Variants in PCDHGB6 observed in about 807,000 individuals in gnomAD.
The protein encoded by PCDHGB6 is protocadherin gamma-B6.
In PCDHGB6, 51 loss-of-function variants were observed where a neutral mutation model predicts 59.1. The observed-to-expected ratio is 0.86, with a 90% confidence interval of 0.69 to 1.09. PCDHGB6 has a LOEUF of 1.09. Ranked by LOEUF, PCDHGB6 falls within the 50% of genes least tolerant of loss-of-function variation. PCDHGB6 has a pLI of 0.00. For synonymous variants in PCDHGB6, 466 were observed against 495.1 expected (o/e 0.94, Z 0.78); for missense variants, 1,148 against 1,205.1 (o/e 0.95, Z 0.70).
At chr5:141,453,351 C>T (rs1210851703) in intron 1 of PCDHGB6, among the ~76,000 whole-genome samples, 3 of 151,738 alleles carry the variant, frequency 2.0e-5, no homozygotes, top group African/African-American at 7.3e-5. Context: ...CCAGGCTGAC[C>T]CTGAACTCCT....
intron 1 of PCDHGB6, among the ~76,000 whole-genome samples, chr5:141,436,410 G>T (rs2154557099): frequency 6.6e-6 from 1 of 152,200 alleles, no homozygotes; most frequent in East Asian, 1.9e-4. Flanking sequence ...TTGAATGAAT[G>T]GATAAACAAA....
At position 141,489,369 on chromosome 5, in the gene PCDHGB6, G is replaced by A. The variant is rs371328808; in HGVS notation, c.2419-5438G>A. The A allele has an allele frequency of 4.5e-5, 73 of 1,613,474 alleles. No individual in the cohort carries two copies. Among genetic ancestry groups the A allele is most frequent in the African/African-American group, 4.1e-4 (31 of 74,894 alleles). ...TGGTGGAGGAGTCTGAGCCGGGGACGCTGGTGGGGAATGTTGCTCAGGATC... is the reference window on the plus strand; with the variant it reads ...TGGTGGAGGAGTCTGAGCCGGGGACACTGGTGGGGAATGTTGCTCAGGATC... On this transcript the variant is annotated intron_variant, in intron 1 of 3. Transcript: ENST00000520790. This position sits in a 1 kb window ranked among gnomAD's most constrained non-coding sequence, Gnocchi z 4.5.
At chr5:141,468,836 A>G (rs1286137807) in intron 1 of PCDHGB6, among the ~76,000 whole-genome samples, 1 of 152,170 alleles carries the variant, frequency 6.6e-6, no homozygotes, top group East Asian at 1.9e-4. Flanking sequence ...ACTGCACTCC[A>G]GCCTGGGCAA....
chr5:141,409,594 C>A lies in PCDHGB6; in HGVS notation c.1392C>A (p.Asn464Lys). The change falls in exon 1 of 4, where the codon AAC becomes AAA. Residue 464 changes from asparagine (N) to lysine (K), a missense_variant. Physicochemically the swap from Asn to Lys is moderately conservative, Grantham distance 94. Coordinates refer to ENST00000520790, the MANE Select transcript of PCDHGB6 (RefSeq NM_018926.3). ...CCTACGTGGTCCACGTGGCCGAGAA[C>A]AACCCGCCAGGAGCCTCCATTGCGC... ...QTSYVVHVAE[N>K]NPPGASIAQV... The A allele has an allele frequency of 1.2e-6, 2 of 1,613,900 alleles. No individual in the cohort carries two copies. Among genetic ancestry groups the A allele is most frequent in the Non-Finnish European group, 1.7e-6 (2 of 1,179,892 alleles).
chr5:141,491,254 G>A lies in PCDHGB6; in HGVS notation c.2419-3553G>A, dbSNP rs746242389. ...GCTGGTTCTGGAGGATGAGGACCCT[G>A]AGGAAATGCCCAAATCCAGTGACTT... is the stretch of plus-strand genomic sequence containing the variant. On this transcript the variant is annotated intron_variant, in intron 1 of 3. Coordinates refer to ENST00000520790, the MANE Select transcript of PCDHGB6 (RefSeq NM_018926.3). This position sits in a 1 kb window ranked among gnomAD's most constrained non-coding sequence, Gnocchi z 6.9. 24 of 1,614,198 alleles carry A rather than the reference G, an allele frequency of 1.5e-5. No individual in the cohort carries two copies. The highest frequency in any genetic ancestry group is 2.0e-5 in the Non-Finnish European group (24 of 1,180,018).
chr5:141,465,643 C>T (rs561758040), intron 1 of PCDHGB6, among the ~76,000 whole-genome samples: 2 of 152,306 alleles, frequency 1.3e-5, no homozygotes, highest in East Asian at 3.9e-4. Flanking sequence ...ATGCTTTGAA[C>T]ATCCCAAAAA....
intron 1 of PCDHGB6, chr5:141,419,128 A>T (rs1298102722): frequency 1.2e-6 from 2 of 1,613,768 alleles, no homozygotes; most frequent in East Asian, 2.2e-5. Flanking sequence ...TCACCATCGC[A>T]GCCACAGACA....
At chr5:141,488,978 C>T (rs1346335195) in intron 1 of PCDHGB6, 4 of 388,976 alleles carry the variant, frequency 1.0e-5, no homozygotes, top group African/African-American at 2.1e-5. Flanking sequence ...GCCAATCAGA[C>T]TCAGAGCTGA....
chr5:141,454,101 A>T (rs2098781558), intron 1 of PCDHGB6, among the ~76,000 whole-genome samples: 1 of 152,256 alleles, frequency 6.6e-6, no homozygotes. Flanking sequence ...ATTGAACATA[A>T]ATGGAGTTAT....
intron 1 of PCDHGB6, chr5:141,442,449 T>TA (rs1488731055): frequency 6.6e-6 from 1 of 152,210 alleles, no homozygotes; most frequent in African/African-American, 2.4e-5. Context: ...CAGGACTCAA[T>TA]AGCAGTTTCA....
intron 1 of PCDHGB6, among the ~76,000 whole-genome samples, chr5:141,448,573 AT>A (rs976781630): frequency 1.3e-5 from 2 of 151,652 alleles, no homozygotes; most frequent in East Asian, 1.9e-4. Flanking sequence ...TTATTTCCCC[AT>A]TTTTTTTACA....
chr5:141,446,423 T>C (rs745968692), intron 1 of PCDHGB6, among the ~76,000 whole-genome samples: 1 of 152,152 alleles, frequency 6.6e-6, no homozygotes, highest in Non-Finnish European at 1.5e-5. Context: ...CATGTTCATT[T>C]GAAGGATCTG....
chr5:141,482,622 A>G (rs1197606374), intron 1 of PCDHGB6, among the ~76,000 whole-genome samples: 1 of 151,936 alleles, frequency 6.6e-6, no homozygotes, highest in Non-Finnish European at 1.5e-5. Context: ...AGCCTGGAGA[A>G]AGGAAGAAAT....
At chr5:141,421,407 G>T in intron 1 of PCDHGB6, 1 of 1,614,076 alleles carries the variant, frequency 6.2e-7, no homozygotes. Flanking sequence ...CCCGGGAGCT[G>T]GCGAAGCGCG....
chr5:141,481,208 A>G lies in PCDHGB6; in HGVS notation c.2419-13599A>G, dbSNP rs116577118. On this transcript the variant is annotated intron_variant, in intron 1 of 3. Coordinates refer to ENST00000520790, the MANE Select transcript of PCDHGB6 (RefSeq NM_018926.3). ...GCCAGGCCCAATTTTTTTAAAAAACATGGTAAGGTCTCCCAGCCTTAAAGT... is the reference window on the plus strand; with the variant it reads ...GCCAGGCCCAATTTTTTTAAAAAACGTGGTAAGGTCTCCCAGCCTTAAAGT... 3.5e-3 allele frequency among the ~76,000 whole-genome samples: 528 copies of G among 152,350 alleles called. 2 individuals carry two copies. Among genetic ancestry groups the G allele is most frequent in the African/African-American group, 0.012 (490 of 41,572 alleles).
chr5:141,501,635 T>G (rs553343946), intron 2 of PCDHGB6, among the ~76,000 whole-genome samples: 1 of 152,236 alleles, frequency 6.6e-6, no homozygotes, highest in African/African-American at 2.4e-5. Flanking sequence ...TCTCAACCTC[T>G]CTGAGCCCTG....
intron 1 of PCDHGB6, among the ~76,000 whole-genome samples, chr5:141,438,619 TATATATATATATATATAC>T (rs1380852637): frequency 0.021 from 829 of 39,644 alleles, 15 homozygotes; most frequent in East Asian, 0.054. Context: ...TATATATATA[TATATATATATATATATAC>T]ACACACACAC....
At chr5:141,452,490 C>A (rs2098742307) in intron 1 of PCDHGB6, among the ~76,000 whole-genome samples, 1 of 152,188 alleles carries the variant, frequency 6.6e-6, no homozygotes, top group East Asian at 1.9e-4. Flanking sequence ...TAAACACACC[C>A]ATATTTATAT....
chr5:141,491,612 G>C lies in PCDHGB6; in HGVS notation c.2419-3195G>C, dbSNP rs759955730. 1 of 1,613,906 alleles carries C rather than the reference G, an allele frequency of 6.2e-7. No individual in the cohort carries two copies. Among genetic ancestry groups the C allele is most frequent in the South Asian group, 1.1e-5 (1 of 91,080 alleles). ...GACGGCAGTGACTTCACTTTTCTAA[G>C]ACCCCTCAGCGTTCAGCAGCCCACA... On this transcript the variant is annotated intron_variant, in intron 1 of 3. Transcript: ENST00000520790. The surrounding 1 kb of genome is among the most constrained non-coding windows in gnomAD (Gnocchi z 6.9).
Sources: allele counts gnomAD v4.1 joint callset (sites outside exome capture counted in the v4.1 genomes callset), GRCh38; gene constraint gnomAD v4.1.1; non-coding constraint Gnocchi (gnomAD v3.1); transcripts MANE v1.5; gene names NCBI Gene and HGNC (gene_info 2026-07-23, HGNC 2026-07-21).